ARHGAP29: variants seen among roughly 807,000 people sequenced by gnomAD.
ARHGAP29 encodes Rho GTPase activating protein 29.
Under a neutral mutation model 122.6 loss-of-function variants are expected in ARHGAP29, and 43 were observed. That is an observed-to-expected ratio of 0.35 (90% CI 0.27 to 0.45). The LOEUF is 0.45. ARHGAP29 is among the 20% of genes least tolerant of loss of function. ARHGAP29 has a pLI of 1.00. For missense variants in ARHGAP29, 1,303 were observed against 1,477.2 expected (o/e 0.88, Z 1.93); for synonymous variants, 506 against 497.1 (o/e 1.02, Z -0.24).
At chr1:94,291,477 A>T in the ARHGAP29 span, among the ~76,000 whole-genome samples, 43 of 152,152 alleles carry the variant, frequency 2.8e-4, no homozygotes, top group Admixed American at 2.6e-3. Flanking sequence ...GTTATGTGTG[A>T]ATTTGATCCT....
In ARHGAP29 at chr1:94,178,078, G is replaced by C. The variant is rs1399831096; in HGVS notation, c.2570C>G (p.Thr857Ser). Residue 857 changes from threonine (T) to serine (S), a missense_variant, in exon 21 of 23, where the codon ACT (threonine) becomes AGT (serine). This residue lies in a region of ARHGAP29 where 620 missense variants were observed against 651.2 expected (regional missense o/e 0.95). Coordinates refer to ENST00000260526, the MANE Select transcript of ARHGAP29 (RefSeq NM_004815.4). ...GPSLIRPRPT[T>S]APITISSLAE... ...AAGGGAGGAGATGGTGATAGGAGCA[G>C]TTGTGGGCCTTGGCCTAATGAGACT... 1 of 1,614,194 alleles carries C rather than the reference G, an allele frequency of 6.2e-7. No homozygotes were observed. Among genetic ancestry groups the C allele is most frequent in the South Asian group, 1.1e-5 (1 of 91,084 alleles).
chr1:94,189,851 C>G, intron 13 of ARHGAP29, 75 bp downstream of exon 13: 2 of 1,461,272 alleles, frequency 1.4e-6, no homozygotes, highest in South Asian at 2.4e-5. Context: ...AAAGTCTCCT[C>G]CTTGTACTAG....
At chr1:94,203,879 T>C in intron 8 of ARHGAP29, 51 bp downstream of exon 8, 2 of 1,515,092 alleles carry the variant, frequency 1.3e-6, no homozygotes, top group Non-Finnish European at 1.8e-6. Context: ...TTATTGGGAG[T>C]TCATGAGTAG....
In ARHGAP29 at chr1:94,170,591, G is replaced by A. The variant is rs1346954075; in HGVS notation, c.*3278C>T. Among the ~76,000 whole-genome samples, 2 of 152,174 alleles carry A rather than the reference G, an allele frequency of 1.3e-5. No homozygotes were observed. Among genetic ancestry groups the A allele is most frequent in the Admixed American group, 1.3e-4 (2 of 15,270 alleles). ...TCAATGTCAATCTCCTAAGTTTGATGGTTGTACTATGGTTACGTAGGAATG... is the reference window on the plus strand; with the variant it reads ...TCAATGTCAATCTCCTAAGTTTGATAGTTGTACTATGGTTACGTAGGAATG... On this transcript the variant is annotated 3_prime_UTR_variant, in exon 23 of 23. Transcript: ENST00000260526.
At chr1:94,266,122 A>G (rs1378903966) in intron 1 of ARHGAP29, among the ~76,000 whole-genome samples, 1 of 152,220 alleles carries the variant, frequency 6.6e-6, no homozygotes, top group Non-Finnish European at 1.5e-5. Flanking sequence ...CTTAGGGTTC[A>G]GGCGATTAGA....
At chr1:94,292,157 A>T in the ARHGAP29 span, among the ~76,000 whole-genome samples, 3 of 150,452 alleles carry the variant, frequency 2.0e-5, no homozygotes, top group Non-Finnish European at 3.0e-5. Context: ...GTTTCTTTTC[A>T]CTCTTTTTTC....
At chr1:94,205,027 T>C (rs1651102954) in intron 7 of ARHGAP29, 34 bp downstream of exon 7, 1 of 1,501,802 alleles carries the variant, frequency 6.7e-7, no homozygotes, top group Non-Finnish European at 8.9e-7. Context: ...TTAATTATTA[T>C]ACTCTAAATC....
rs544807487 is a variant in ARHGAP29 at position 94,245,578 on chromosome 1, T to C, written c.-32-13935A>G. Reference sequence around the variant, plus strand: ...GTTGCCTAGGAATGCAGTGGTGGTGTAGGTGTGGGGGAAATTGCGAGAAGC... The same window carrying C: ...GTTGCCTAGGAATGCAGTGGTGGTGCAGGTGTGGGGGAAATTGCGAGAAGC... On this transcript the variant is annotated intron_variant and NMD_transcript_variant, in intron 1 of 25. Coordinates refer to the ARHGAP29 transcript ENST00000552844. 2.0e-4 allele frequency among the ~76,000 whole-genome samples: 30 copies of C among 152,288 alleles called. No homozygotes were observed. The South Asian group carries it at 5.6e-3, about 28-fold the overall frequency.
chr1:94,285,807 G>A, the ARHGAP29 span, among the ~76,000 whole-genome samples: 5 of 150,368 alleles, frequency 3.3e-5, no homozygotes, highest in East Asian at 3.9e-4. Flanking sequence ...CCCGGGAGGC[G>A]GAGGTTGCAG....
intron 3 of ARHGAP29, among the ~76,000 whole-genome samples, chr1:94,214,474 C>A (rs534681605): frequency 6.6e-6 from 1 of 152,314 alleles, no homozygotes; most frequent in African/African-American, 2.4e-5. Context: ...TATATTTCTT[C>A]TCCTACTTTC....
chr1:94,270,565 C>G (rs1654949951), intron 1 of ARHGAP29, among the ~76,000 whole-genome samples: 1 of 152,120 alleles, frequency 6.6e-6, no homozygotes, highest in African/African-American at 2.4e-5. Flanking sequence ...CACCAGAGGG[C>G]CAAGTAAATT....
rs1192779978 is a variant in ARHGAP29, at chr1:94,213,346, A to AT, written c.341-3997dup. 7.2e-5 allele frequency among the ~76,000 whole-genome samples: 11 copies of AT among 151,790 alleles called. No homozygotes were observed. In the East Asian group the frequency reaches 1.2e-3, roughly 16 times the overall value. On this transcript the variant is annotated intron_variant, in intron 3 of 22. Coordinates refer to ENST00000260526, the MANE Select transcript of ARHGAP29 (RefSeq NM_004815.4). ...AGGCACCCGCCACCAGGCCCGGCCA[A>AT]TTTTTTTTGTATTTTTTAGTAGAGA... is the stretch of plus-strand genomic sequence containing the variant.
At chr1:94,206,978 TAG>T (rs934392518) in intron 5 of ARHGAP29, among the ~76,000 whole-genome samples, 4 of 149,164 alleles carry the variant, frequency 2.7e-5, no homozygotes, top group Non-Finnish European at 1.5e-5. Context: ...TATATATATA[TAG>T]AGAGAGAGAG....
intron 3 of ARHGAP29, among the ~76,000 whole-genome samples, chr1:94,216,555 C>T (rs1230472724): frequency 1.3e-5 from 2 of 152,156 alleles, no homozygotes; most frequent in African/African-American, 4.8e-5. Context: ...GTTCAATACC[C>T]TTTTATACCA....
intron 11 of ARHGAP29, 142 bp downstream of exon 11, chr1:94,202,402 A>T: frequency 1.1e-6 from 1 of 949,182 alleles, no homozygotes; most frequent in Non-Finnish European, 1.6e-6. Context: ...TGACCTACTG[A>T]ATGAGAAACT....
At chr1:94,283,462 C>T in the ARHGAP29 span, among the ~76,000 whole-genome samples, 1 of 152,036 alleles carries the variant, frequency 6.6e-6, no homozygotes, top group Non-Finnish European at 1.5e-5. Context: ...TTAAAATGCC[C>T]CCAGTTCAAT....
At chr1:94,192,187 T>C (rs2101447338) in intron 12 of ARHGAP29, 1 of 152,292 alleles carries the variant, frequency 6.6e-6, no homozygotes, top group African/African-American at 2.4e-5. Flanking sequence ...TCAGATGCAG[T>C]AAGCTAACTT....
chr1:94,304,373 C>T, the ARHGAP29 span, among the ~76,000 whole-genome samples: 1 of 152,138 alleles, frequency 6.6e-6, no homozygotes, highest in African/African-American at 2.4e-5. Flanking sequence ...CTCCTGGGCT[C>T]AAGAAATCCT....
chr1:94,285,340 TA>T, the ARHGAP29 span, among the ~76,000 whole-genome samples: 171 of 144,102 alleles, frequency 1.2e-3, no homozygotes, highest in Admixed American at 1.4e-3. Context: ...AGATACAGGT[TA>T]AAAAAAAAAA....
Sources: gnomAD v4.1 joint callset for allele counts (sites outside exome capture counted in the v4.1 genomes callset) on GRCh38, gnomAD v4.1.1 for gene constraint, gnomAD v4.1.1 regional missense constraint, MANE v1.5 for transcripts, NCBI Gene and HGNC (gene_info 2026-07-23, HGNC 2026-07-21) for gene names.